Variants in P2RY8 observed in about 807,000 individuals in gnomAD.
The protein encoded by P2RY8 is P2Y receptor family member 8, also known as S-geranylgeranyl-glutathione receptor P2RY8.
A neutral mutation model predicts 10.0 loss-of-function variants in P2RY8; 6 were observed. The observed-to-expected ratio is 0.60, with a 90% CI of 0.33 to 1.19. P2RY8 has a LOEUF of 1.19. P2RY8 is among the 50% of genes most tolerant of loss of function. P2RY8 has a pLI of 0.04. For missense variants in P2RY8, 456 were observed against 542.0 expected (o/e 0.84, Z 1.58); for synonymous variants, 276 against 252.5 (o/e 1.09, Z -0.88).
intron 1 of P2RY8, among the ~76,000 whole-genome samples, chrX:1,528,763 C>T (rs1482130514): frequency 3.5e-5 from 5 of 143,958 alleles, no homozygotes; most frequent in African/African-American, 1.3e-4. Context: ...AATGAGTGGA[C>T]TTGAGTCTGT....
chrX:1,534,130 T>A (rs1197041654), intron 1 of P2RY8, among the ~76,000 whole-genome samples: 1 of 131,230 alleles, frequency 7.6e-6, no homozygotes, highest in African/African-American at 3.0e-5. Context: ...TATTATATAT[T>A]TATATATATT....
intron 1 of P2RY8, among the ~76,000 whole-genome samples, chrX:1,477,870 C>T (rs186041842): frequency 1.9e-4 from 29 of 152,276 alleles, no homozygotes; most frequent in Non-Finnish European, 3.7e-4. Flanking sequence ...AGACCCCAGG[C>T]AGATGTTCCT....
At chrX:1,489,306 A>G (rs1321846093) in intron 1 of P2RY8, among the ~76,000 whole-genome samples, 2 of 151,924 alleles carry the variant, frequency 1.3e-5, no homozygotes, top group Non-Finnish European at 2.9e-5. Flanking sequence ...GGGAATGAAT[A>G]TCACTCAGAG....
chrX:1,517,109 C>A (rs1299342154), intron 1 of P2RY8, among the ~76,000 whole-genome samples: 1 of 151,572 alleles, frequency 6.6e-6, no homozygotes, highest in Admixed American at 6.6e-5. Context: ...CCTGCCCACA[C>A]CTTAATCTTG....
chrX:1,507,347 C>A (rs1488653886), intron 1 of P2RY8, among the ~76,000 whole-genome samples: 2 of 152,056 alleles, frequency 1.3e-5, no homozygotes, highest in African/African-American at 4.8e-5. Flanking sequence ...TCCTTGAACA[C>A]CTGTCAGTCA....
chrX:1,466,655 A>G, intron 1 of P2RY8, 73 bp from the exon 2 acceptor site: 1 of 1,421,222 alleles, frequency 7.0e-7, no homozygotes. Context: ...AGGGCTCCTG[A>G]GCGCCGCTCC....
chrX:1,486,497 A>G (rs1439713878), intron 1 of P2RY8, among the ~76,000 whole-genome samples: 2 of 152,200 alleles, frequency 1.3e-5, no homozygotes, highest in Non-Finnish European at 2.9e-5. Context: ...CTCCATTTCA[A>G]TAAAATGCCC....
chrX:1,527,385 A>G (rs1425074353), intron 1 of P2RY8, among the ~76,000 whole-genome samples: 1 of 151,520 alleles, frequency 6.6e-6, no homozygotes, highest in Non-Finnish European at 1.5e-5. Flanking sequence ...TTGCCCATTC[A>G]TTTATTCATG....
chrX:1,518,654 C>T (rs1242840804), intron 1 of P2RY8, among the ~76,000 whole-genome samples: 1 of 151,474 alleles, frequency 6.6e-6, no homozygotes, highest in Non-Finnish European at 1.5e-5. Context: ...CTTGTTTGTC[C>T]CCAATCTTCT....
At chrX:1,481,234 C>T (rs1402868664) in intron 1 of P2RY8, among the ~76,000 whole-genome samples, 3 of 151,908 alleles carry the variant, frequency 2.0e-5, no homozygotes, top group Non-Finnish European at 2.9e-5. Context: ...AATGGCACAA[C>T]GTCGGCTCCC....
chrX:1,515,267 G>C (rs1251407233), intron 1 of P2RY8, among the ~76,000 whole-genome samples: 1 of 151,620 alleles, frequency 6.6e-6, no homozygotes, highest in Non-Finnish European at 1.5e-5. Context: ...CAACTTTGTA[G>C]AGATAGAATT....
chrX:1,511,881 C>T (rs1264643067), intron 1 of P2RY8, among the ~76,000 whole-genome samples: 5 of 152,170 alleles, frequency 3.3e-5, no homozygotes, highest in South Asian at 2.1e-4. Flanking sequence ...TGAGTCCTCT[C>T]GTCTGTCCCA....
At chrX:1,511,196 GA>G (rs2092295462) in intron 1 of P2RY8, among the ~76,000 whole-genome samples, 1 of 151,962 alleles carries the variant, frequency 6.6e-6, no homozygotes, top group African/African-American at 2.4e-5. Context: ...AAAAAGAAAA[GA>G]AAAAAAGAAA....
chrX:1,524,470 C>A (rs2092417629), intron 1 of P2RY8, among the ~76,000 whole-genome samples: 1 of 144,978 alleles, frequency 6.9e-6, no homozygotes, highest in South Asian at 2.2e-4. Flanking sequence ...TCCATCCATC[C>A]ATTCATCCAC....
chrX:1,528,710 G>A (rs1402853860), intron 1 of P2RY8, among the ~76,000 whole-genome samples: 4 of 151,922 alleles, frequency 2.6e-5, no homozygotes, highest in Non-Finnish European at 5.9e-5. Flanking sequence ...TTGAATGAGT[G>A]TGGATTTGAG....
At chrX:1,512,063 C>T (rs1292900344) in intron 1 of P2RY8, among the ~76,000 whole-genome samples, 1 of 151,582 alleles carries the variant, frequency 6.6e-6, no homozygotes, top group African/African-American at 2.4e-5. Flanking sequence ...GAAGAGGCTC[C>T]CAGGCTGGCG....
chrX:1,466,659 C>G (rs752215895), intron 1 of P2RY8, 77 bp from the exon 2 acceptor site: 1 of 1,406,086 alleles, frequency 7.1e-7, no homozygotes, highest in South Asian at 1.3e-5. Context: ...CTCCTGAGCG[C>G]CGCTCCCCGG....
At chrX:1,500,245 G>C (rs2092164736) in intron 1 of P2RY8, among the ~76,000 whole-genome samples, 3 of 151,672 alleles carry the variant, frequency 2.0e-5, no homozygotes. Flanking sequence ...TCTTTTTGGT[G>C]TTATTGTTAA....
chrX:1,512,108 G>C (rs1346772574), intron 1 of P2RY8, among the ~76,000 whole-genome samples: 1 of 152,118 alleles, frequency 6.6e-6, no homozygotes, highest in Non-Finnish European at 1.5e-5. Context: ...CTGTGTAAGA[G>C]TGTCCTGGGG....
Sources: gnomAD v4.1 joint callset for allele counts (sites outside exome capture counted in the v4.1 genomes callset) on GRCh38, gnomAD v4.1.1 for gene constraint, MANE v1.5 for transcripts, NCBI Gene and HGNC (gene_info 2026-07-23, HGNC 2026-07-21) for gene names.